The following GPC6 variants were observed in gnomAD, a reference collection of about 807,000 sequenced individuals.
The protein encoded by GPC6 is glypican-6.
GPC6 carries 14 observed loss-of-function variants against 55.2 expected under a neutral mutation model. That is an observed-to-expected ratio of 0.25 (90% confidence interval 0.17 to 0.40). The LOEUF (loss-of-function observed/expected upper bound fraction) is 0.40, where lower values mean the gene tolerates loss of function less well. Ranked by LOEUF, GPC6 falls within the 10% of genes least tolerant of loss-of-function variation. The pLI, the probability that GPC6 is intolerant of heterozygous loss-of-function variation, is 1.00. For missense variants in GPC6, 641 were observed against 708.5 expected (o/e 0.90, Z 1.08); for synonymous variants, 278 against 259.6 (o/e 1.07, Z -0.68).
chr13:94,307,500 G>A (rs988255270), intron 6 of GPC6, among the ~76,000 whole-genome samples: 3 of 151,916 alleles, frequency 2.0e-5, no homozygotes, highest in African/African-American at 7.3e-5. Flanking sequence ...TTTTGTAGAG[G>A]CGTGGTTTTG....
At chr13:93,341,921 C>A (rs1349730458) in intron 1 of GPC6, among the ~76,000 whole-genome samples, 1 of 137,038 alleles carries the variant, frequency 7.3e-6, no homozygotes, top group Non-Finnish European at 1.6e-5. Flanking sequence ...TTTTTTCTTT[C>A]TTTTTTTTTT....
intron 2 of GPC6, among the ~76,000 whole-genome samples, chr13:93,571,114 A>G (rs1178837077): frequency 6.6e-6 from 1 of 152,104 alleles, no homozygotes; most frequent in African/African-American, 2.4e-5. Flanking sequence ...TTCTAATATC[A>G]GCGTTGCAGA....
intron 1 of GPC6, among the ~76,000 whole-genome samples, chr13:93,377,760 A>G (rs1874979055): frequency 6.6e-6 from 1 of 152,222 alleles, no homozygotes; most frequent in South Asian, 2.1e-4. Flanking sequence ...TATTTAAAAT[A>G]GGAGATAAAC....
chr13:94,012,648 A>T (rs1391782476), intron 3 of GPC6, among the ~76,000 whole-genome samples: 1 of 152,104 alleles, frequency 6.6e-6, no homozygotes, highest in Admixed American at 6.6e-5. Context: ...AACATTATTC[A>T]CCTCTTACCA....
chr13:93,963,318 T>C (rs764417388), intron 3 of GPC6, among the ~76,000 whole-genome samples: 1 of 152,156 alleles, frequency 6.6e-6, no homozygotes, highest in Non-Finnish European at 1.5e-5. Flanking sequence ...GCAAATAAAC[T>C]CTTTTACTCA....
At chr13:94,317,676 C>A (rs1309374671) in intron 6 of GPC6, among the ~76,000 whole-genome samples, 1 of 152,116 alleles carries the variant, frequency 6.6e-6, no homozygotes, top group Non-Finnish European at 1.5e-5. Flanking sequence ...TTTTTTTTGA[C>A]AAAATGAATA....
chr13:93,547,263 T>C (rs1874855518), intron 2 of GPC6, among the ~76,000 whole-genome samples: 1 of 151,936 alleles, frequency 6.6e-6, no homozygotes, highest in Admixed American at 6.5e-5. Context: ...GGAGACTCAC[T>C]TGAACCTGGG....
chr13:94,365,542 A>G (rs1594209468), intron 6 of GPC6, among the ~76,000 whole-genome samples: 1 of 152,210 alleles, frequency 6.6e-6, no homozygotes, highest in East Asian at 1.9e-4. Flanking sequence ...TATATGCCCA[A>G]AAGACATTTA....
chr13:94,397,996 A>C (rs1242317485), intron 7 of GPC6, among the ~76,000 whole-genome samples: 4 of 152,108 alleles, frequency 2.6e-5, no homozygotes, highest in African/African-American at 9.7e-5. Context: ...TCCCCCTTTT[A>C]CTTGGCACTT....
At chr13:93,730,496 C>A (rs1160146224) in intron 2 of GPC6, among the ~76,000 whole-genome samples, 1 of 152,118 alleles carries the variant, frequency 6.6e-6, no homozygotes, top group African/African-American at 2.4e-5. Flanking sequence ...CCTGCTTCCC[C>A]AGCAGAGATG....
chr13:93,701,601 T>A (rs1882673646), intron 2 of GPC6, among the ~76,000 whole-genome samples: 1 of 152,046 alleles, frequency 6.6e-6, no homozygotes, highest in African/African-American at 2.4e-5. Flanking sequence ...ACAAAAAGAT[T>A]TATCTGTAGC....
intron 6 of GPC6, among the ~76,000 whole-genome samples, chr13:94,336,320 T>C (rs1184546453): frequency 6.6e-6 from 1 of 152,108 alleles, no homozygotes; most frequent in African/African-American, 2.4e-5. Flanking sequence ...TAGCTCAAAA[T>C]ATGCTGATTT....
chr13:93,781,523 T>A (rs1410068628), intron 2 of GPC6, among the ~76,000 whole-genome samples: 1 of 152,112 alleles, frequency 6.6e-6, no homozygotes, highest in African/African-American at 2.4e-5. Flanking sequence ...TCCCTAGAGT[T>A]GGGGTCCTAA....
chr13:93,616,162 A>G (rs1364757959), intron 2 of GPC6, among the ~76,000 whole-genome samples: 1 of 152,128 alleles, frequency 6.6e-6, no homozygotes, highest in Non-Finnish European at 1.5e-5. Context: ...AATCCCTCTC[A>G]GAAAGGCTAT....
intron 3 of GPC6, among the ~76,000 whole-genome samples, chr13:93,835,403 C>T (rs192128641): frequency 1.3e-5 from 2 of 152,136 alleles, no homozygotes; most frequent in East Asian, 1.9e-4. Flanking sequence ...CGTAGTGAGC[C>T]GAGATCGTGC....
At chr13:93,852,565 A>G (rs555849159) in intron 3 of GPC6, among the ~76,000 whole-genome samples, 1 of 151,892 alleles carries the variant, frequency 6.6e-6, no homozygotes, top group South Asian at 2.1e-4. Flanking sequence ...TAGAGCCTAC[A>G]GTATAAAGTT....
chr13:93,685,598 A>C (rs752470609), intron 2 of GPC6, among the ~76,000 whole-genome samples: 1 of 152,110 alleles, frequency 6.6e-6, no homozygotes, highest in Non-Finnish European at 1.5e-5. Context: ...ATGTGCTTGA[A>C]ATTTTATTTT....
chr13:93,722,104 A>G lies in GPC6; in HGVS notation c.320-108050A>G, dbSNP rs190565514. The stretch of plus-strand genomic sequence containing the variant: ...TTAATAAATAACATTGTTTTATGGT[A>G]TTCTTAATAAATAGTAAATATGCAA... On this transcript the variant is annotated intron_variant, in intron 2 of 8. Transcript: ENST00000377047. 2.1e-3 allele frequency among the ~76,000 whole-genome samples: 314 copies of G among 151,870 alleles called. 1 individual carries two copies. Among genetic ancestry groups the G allele is most frequent in the African/African-American group, 6.7e-3 (279 of 41,508 alleles).
intron 4 of GPC6, among the ~76,000 whole-genome samples, chr13:94,148,817 G>T (rs1012432292): frequency 3.2e-4 from 48 of 152,088 alleles, no homozygotes; most frequent in African/African-American, 1.1e-3. Flanking sequence ...TTACTCCCTG[G>T]CTTTGTGAAC....
Sources: gnomAD v4.1 joint callset for allele counts (sites outside exome capture counted in the v4.1 genomes callset) on GRCh38, gnomAD v4.1.1 for gene constraint, MANE v1.5 for transcripts, NCBI Gene and HGNC (gene_info 2026-07-23, HGNC 2026-07-21) for gene names.